The following GALNTL6 variants were observed in gnomAD, a reference collection of about 807,000 sequenced individuals.
GALNTL6 encodes the protein polypeptide N-acetylgalactosaminyltransferase like 6.
Under a neutral mutation model 73.7 loss-of-function variants are expected in GALNTL6, and 46 were observed. The observed-to-expected ratio is 0.62, with a 90% confidence interval of 0.49 to 0.80. The LOEUF (loss-of-function observed/expected upper bound fraction) is 0.80. Ranked by LOEUF, GALNTL6 falls within the 30% of genes least tolerant of loss-of-function variation. GALNTL6 has a pLI of 0.00. For missense variants in GALNTL6, 604 were observed against 755.0 expected (o/e 0.80, Z 2.34); for synonymous variants, 259 against 263.7 (o/e 0.98, Z 0.17).
chr4:172,177,766 T>TATACACATATATACAC, intron 2 of GALNTL6, among the ~76,000 whole-genome samples: 1 of 142,066 alleles, frequency 7.0e-6, no homozygotes, highest in African/African-American at 2.8e-5. Flanking sequence ...TGTGTATATA[T>TATACACATATATACAC]ATGTACACAT....
intron 7 of GALNTL6, among the ~76,000 whole-genome samples, chr4:172,867,112 T>C (rs1744702029): frequency 6.6e-6 from 1 of 152,206 alleles, no homozygotes; most frequent in Admixed American, 6.5e-5. Flanking sequence ...CTGAGTATGC[T>C]AATCTTGACA....
rs528118902 is a variant in GALNTL6 at position 172,478,367 on chromosome 4, C to T, written c.553+129678C>T. Among the ~76,000 whole-genome samples the T allele has an allele frequency of 5.3e-5, 8 of 152,292 alleles. No homozygotes were observed. In the South Asian group the frequency reaches 1.7e-3, roughly 32 times the overall value. On this transcript the variant is annotated intron_variant, in intron 5 of 12. Coordinates refer to ENST00000506823, the MANE Select transcript of GALNTL6 (RefSeq NM_001034845.3). The stretch of plus-strand genomic sequence containing the variant: ...ACACCAAAATAAAGCCAAATACCTA[C>T]AGCCAGCTGCTCTTTGACAAAGCAG...
intron 4 of GALNTL6, among the ~76,000 whole-genome samples, chr4:172,335,645 A>G (rs1257013734): frequency 6.6e-6 from 1 of 151,994 alleles, no homozygotes; most frequent in African/African-American, 2.4e-5. Flanking sequence ...TCCTTTCAGG[A>G]TTTCAATTTC....
intron 5 of GALNTL6, among the ~76,000 whole-genome samples, chr4:172,385,757 T>C (rs528104060): frequency 6.6e-6 from 1 of 152,202 alleles, no homozygotes; most frequent in Admixed American, 6.5e-5. Context: ...TAATTGACTT[T>C]TAATGTAATT....
intron 5 of GALNTL6, among the ~76,000 whole-genome samples, chr4:172,546,820 G>GTATATATATACATA: frequency 2.0e-5 from 1 of 49,058 alleles, no homozygotes; most frequent in African/African-American, 9.8e-5. Flanking sequence ...ATATATATAC[G>GTATATATATACATA]TATATGTATA....
chr4:172,668,091 T>C (rs1449637401), intron 5 of GALNTL6: 3 of 152,198 alleles, frequency 2.0e-5, no homozygotes, highest in Non-Finnish European at 4.4e-5. Flanking sequence ...TGAGAAGGTA[T>C]ATTTGTAATT....
At chr4:172,606,589 T>C (rs1432023611) in intron 5 of GALNTL6, among the ~76,000 whole-genome samples, 6 of 138,728 alleles carry the variant, frequency 4.3e-5, no homozygotes, top group African/African-American at 1.6e-4. Context: ...TATGTATATA[T>C]ATACACATAT....
At chr4:172,824,411 C>A in intron 7 of GALNTL6, among the ~76,000 whole-genome samples, 1 of 147,414 alleles carries the variant, frequency 6.8e-6, no homozygotes, top group Non-Finnish European at 1.5e-5. Context: ...TGTGTGTGTT[C>A]ATGTGTGTGT....
At chr4:172,841,459 T>A (rs1743201221) in intron 7 of GALNTL6, among the ~76,000 whole-genome samples, 2 of 152,118 alleles carry the variant, frequency 1.3e-5, no homozygotes, top group Non-Finnish European at 2.9e-5. Context: ...AAGTGTAATC[T>A]CGTAACTACT....
At position 172,518,491 on chromosome 4, in the gene GALNTL6, G is replaced by A. The variant is rs542617562; in HGVS notation, c.553+169802G>A. ...CTCATTTTTTTAGAATTTAGAGAAC[G>A]GTGAAGATGATGATAGGATTTATGT... On this transcript the variant is annotated intron_variant, in intron 5 of 12. Coordinates refer to ENST00000506823, the MANE Select transcript of GALNTL6 (RefSeq NM_001034845.3). Among the ~76,000 whole-genome samples the A allele has an allele frequency of 8.6e-5, 13 of 151,886 alleles. No individual in the cohort carries two copies. The East Asian group carries it at 1.2e-3, about 14-fold the overall frequency.
chr4:171,949,678 A>G (rs1738810635), intron 2 of GALNTL6, among the ~76,000 whole-genome samples: 3 of 152,216 alleles, frequency 2.0e-5, no homozygotes, highest in African/African-American at 7.2e-5. Flanking sequence ...AAGTAAAAAT[A>G]TATTATAAAA....
In GALNTL6 at chr4:171,940,699, C is replaced by T. The variant is rs541898767; in HGVS notation, c.138+125981C>T. Reference sequence around the variant, plus strand: ...ATTAGCTGGGCTTTGTGGCATGCATCTATAATCCAAGCTACTTGGGAGGCA... The same window carrying T: ...ATTAGCTGGGCTTTGTGGCATGCATTTATAATCCAAGCTACTTGGGAGGCA... On this transcript the variant is annotated intron_variant, in intron 2 of 12. Coordinates refer to ENST00000506823, the MANE Select transcript of GALNTL6 (RefSeq NM_001034845.3). 3.3e-3 allele frequency among the ~76,000 whole-genome samples: 501 copies of T among 152,018 alleles called. 2 individuals carry two copies. The highest frequency in any genetic ancestry group is 5.3e-3 in the Non-Finnish European group (357 of 67,960).
At chr4:172,313,278 A>C (rs1740429409) in intron 4 of GALNTL6, among the ~76,000 whole-genome samples, 1 of 151,616 alleles carries the variant, frequency 6.6e-6, no homozygotes, top group South Asian at 2.1e-4. Flanking sequence ...GGCGCCTGCC[A>C]CCATGCCGGC....
Position 172,770,999 on chromosome 4 carries a change from T to C in GALNTL6, c.554-38362T>C, listed in dbSNP as rs1274531864. Among the ~76,000 whole-genome samples the C allele has an allele frequency of 3.9e-5, 6 of 152,228 alleles. No homozygotes were observed. In the East Asian group the frequency reaches 1.2e-3, roughly 29 times the overall value. On this transcript the variant is annotated intron_variant, in intron 5 of 12. Transcript: ENST00000506823. ...AACACTATTTTTGCTGACTTTGTTG[T>C]ATTTTAAATAAAATTCTGCAGTTAT...
intron 5 of GALNTL6, among the ~76,000 whole-genome samples, chr4:172,716,048 G>T (rs1162115228): frequency 1.3e-5 from 2 of 152,154 alleles, no homozygotes; most frequent in Non-Finnish European, 2.9e-5. Flanking sequence ...TAGCAATTTG[G>T]CAGTTTTGCT....
chr4:172,897,100 C>T (rs1041643954), intron 8 of GALNTL6, among the ~76,000 whole-genome samples: 2 of 152,230 alleles, frequency 1.3e-5, no homozygotes, highest in East Asian at 1.9e-4. Flanking sequence ...TCAGCACATA[C>T]AGGATAGTTC....
chr4:172,412,462 G>C (rs1744478600), intron 5 of GALNTL6, among the ~76,000 whole-genome samples: 1 of 152,184 alleles, frequency 6.6e-6, no homozygotes, highest in African/African-American at 2.4e-5. Context: ...GAGCAGGGCT[G>C]TGTATCAGAA....
chr4:172,935,648 A>G (rs1487657485), intron 9 of GALNTL6, among the ~76,000 whole-genome samples: 3 of 152,194 alleles, frequency 2.0e-5, no homozygotes, highest in Non-Finnish European at 4.4e-5. Flanking sequence ...CTAATACTAT[A>G]AACACCTCTA....
chr4:172,568,186 A>G (rs1431411769), intron 5 of GALNTL6, among the ~76,000 whole-genome samples: 1 of 152,172 alleles, frequency 6.6e-6, no homozygotes, highest in Non-Finnish European at 1.5e-5. Context: ...GAGTCTCCTC[A>G]GTGGCAATTT....
Sources: gnomAD v4.1 joint callset for allele counts (sites outside exome capture counted in the v4.1 genomes callset) on GRCh38, gnomAD v4.1.1 for gene constraint, MANE v1.5 for transcripts, NCBI Gene and HGNC (gene_info 2026-07-23, HGNC 2026-07-21) for gene names.